GALNT14: variants seen among roughly 807,000 people sequenced by gnomAD.
GALNT14 encodes UDP-GalNAc:polypeptide N-acetylgalactosaminyltransferase 14.
GALNT14 carries 60 observed loss-of-function variants against 77.5 expected under a neutral mutation model. The observed-to-expected ratio is 0.77, with a 90% CI of 0.63 to 0.96. GALNT14 has a LOEUF of 0.96. Ranked by LOEUF, GALNT14 falls within the 40% of genes least tolerant of loss-of-function variation. The probability of loss-of-function intolerance (pLI) is 0.00; values close to 1 mark genes in which losing one functional copy is unlikely to be tolerated. For missense variants in GALNT14, 710 were observed against 731.0 expected, an observed-to-expected ratio of 0.97 and a Z score of 0.33; for synonymous variants, 280 against 281.7, an observed-to-expected ratio of 0.99 and a Z score of 0.06.
At chr2:30,960,691 C>T (rs936668142) in intron 3 of GALNT14, among the ~76,000 whole-genome samples, 13 of 152,070 alleles carry the variant, frequency 8.5e-5, no homozygotes. Context: ...AGGGACCTAG[C>T]CTGGCCTAGG....
chr2:30,902,868 G>C, the GALNT14 span, among the ~76,000 whole-genome samples: 1 of 152,148 alleles, frequency 6.6e-6, no homozygotes, highest in Non-Finnish European at 1.5e-5. Context: ...ATTTACTTTA[G>C]TGCAGTACCT....
rs572099531 is a variant in GALNT14 at position 31,013,599 on chromosome 2, G to A, written c.130-20592C>T. Among the ~76,000 whole-genome samples the A allele has an allele frequency of 4.7e-4, 71 of 152,296 alleles. 1 individual carries two copies. The South Asian group carries it at 0.013, about 28-fold the overall frequency. The stretch of plus-strand genomic sequence containing the variant: ...CCGTTCAAGTACGGACAGCAGGAGT[G>A]TGATATTCCCACATCCAAGCTCAGG... On this transcript the variant is annotated intron_variant, in intron 1 of 14. Coordinates refer to ENST00000349752, the MANE Select transcript of GALNT14 (RefSeq NM_024572.4).
chr2:31,101,092 T>C (rs1677252255), intron 1 of GALNT14, among the ~76,000 whole-genome samples: 1 of 152,072 alleles, frequency 6.6e-6, no homozygotes, highest in Non-Finnish European at 1.5e-5. Context: ...ACCACCAGAA[T>C]AACCTTAGCC....
chr2:30,979,898 T>A (rs1191072857), intron 2 of GALNT14, among the ~76,000 whole-genome samples: 2 of 152,194 alleles, frequency 1.3e-5, no homozygotes, highest in Non-Finnish European at 2.9e-5. Context: ...AAACACATTT[T>A]GTAGTTGCTG....
At chr2:30,997,911 C>T (rs1670138487) in intron 1 of GALNT14, among the ~76,000 whole-genome samples, 1 of 152,150 alleles carries the variant, frequency 6.6e-6, no homozygotes, top group Admixed American at 6.5e-5. Flanking sequence ...TCCTGTCTAA[C>T]TGACTTTGTA....
At chr2:31,000,660 T>C (rs1670314031) in intron 1 of GALNT14, among the ~76,000 whole-genome samples, 1 of 152,192 alleles carries the variant, frequency 6.6e-6, no homozygotes, top group Non-Finnish European at 1.5e-5. Flanking sequence ...AGGTCAGTTT[T>C]GTTCTTTTAA....
intron 1 of GALNT14, chr2:31,114,941 C>T (rs1331938418): frequency 7.8e-6 from 5 of 637,336 alleles, no homozygotes; most frequent in Non-Finnish European, 1.4e-5. Flanking sequence ...AACTGGAATC[C>T]AGAAGACAAT....
chr2:30,984,920 C>T (rs1350491661), intron 2 of GALNT14, among the ~76,000 whole-genome samples: 10 of 151,944 alleles, frequency 6.6e-5, no homozygotes, highest in African/African-American at 2.2e-4. Context: ...GAGCTGGGTG[C>T]CTGAACACTG....
At chr2:30,953,649 C>T (rs1459757171) in intron 6 of GALNT14, among the ~76,000 whole-genome samples, 3 of 152,150 alleles carry the variant, frequency 2.0e-5, no homozygotes, top group East Asian at 1.9e-4. Context: ...CTTCTACTTG[C>T]TGTCACTTAT....
intron 1 of GALNT14, among the ~76,000 whole-genome samples, chr2:31,031,508 T>C (rs1862967): frequency 0.39 from 59,972 of 151,924 alleles, 12,025 homozygotes; most frequent in East Asian, 0.55. Flanking sequence ...TGCATGGCCA[T>C]GCAAATCCTT....
chr2:31,073,493 G>A (rs1163542970), intron 1 of GALNT14, among the ~76,000 whole-genome samples: 1 of 151,898 alleles, frequency 6.6e-6, no homozygotes, highest in Non-Finnish European at 1.5e-5. Context: ...AGAGGGGGGG[G>A]GAACAGCATT....
chr2:30,921,216 T>C (rs766436479), intron 13 of GALNT14, among the ~76,000 whole-genome samples: 19 of 152,056 alleles, frequency 1.2e-4, no homozygotes, highest in Non-Finnish European at 2.2e-4. Flanking sequence ...CCCACTTCTT[T>C]ATGCAGCCAA....
At chr2:30,942,515 G>C (rs923981824) in intron 8 of GALNT14, among the ~76,000 whole-genome samples, 10 of 152,168 alleles carry the variant, frequency 6.6e-5, no homozygotes, top group African/African-American at 2.2e-4. Flanking sequence ...CAAGCTCCAG[G>C]GTTTTTCCTG....
intron 1 of GALNT14, among the ~76,000 whole-genome samples, chr2:31,098,165 A>T (rs116134446): frequency 3.0e-3 from 464 of 152,306 alleles, no homozygotes; most frequent in African/African-American, 0.011. Context: ...CAAACTGCAT[A>T]CTCAGCAAAT....
intron 13 of GALNT14, among the ~76,000 whole-genome samples, chr2:30,922,982 C>T (rs1184449351): frequency 6.6e-6 from 1 of 151,378 alleles, no homozygotes; most frequent in Non-Finnish European, 1.5e-5. Flanking sequence ...GAGCTGGGAA[C>T]CTTGATGAAT....
chr2:31,076,264 T>G (rs1675778747), intron 1 of GALNT14, among the ~76,000 whole-genome samples: 1 of 152,204 alleles, frequency 6.6e-6, no homozygotes, highest in South Asian at 2.1e-4. Flanking sequence ...TCAAGGTCTA[T>G]TCTATGACTC....
the GALNT14 span, among the ~76,000 whole-genome samples, chr2:30,902,445 C>T: frequency 2.6e-5 from 4 of 152,246 alleles, no homozygotes; most frequent in East Asian, 7.7e-4. Context: ...GACTACCCTC[C>T]ACATCCTTTA....
At chr2:30,942,786 T>G (rs1305992944) in intron 8 of GALNT14, among the ~76,000 whole-genome samples, 1 of 152,224 alleles carries the variant, frequency 6.6e-6, no homozygotes, top group Non-Finnish European at 1.5e-5. Context: ...AACTGGGCTC[T>G]CTCTCCTTTT....
At chr2:31,006,793 CT>C (rs1670700755) in intron 1 of GALNT14, among the ~76,000 whole-genome samples, 1 of 152,214 alleles carries the variant, frequency 6.6e-6, no homozygotes, top group Non-Finnish European at 1.5e-5. Context: ...TCAAGTGCCC[CT>C]AAGCCCTGCC....
Sources: gnomAD v4.1 joint callset for allele counts (sites outside exome capture counted in the v4.1 genomes callset) on GRCh38, gnomAD v4.1.1 for gene constraint, MANE v1.5 for transcripts, NCBI Gene and HGNC (gene_info 2026-07-23, HGNC 2026-07-21) for gene names.